LRP1B: variants seen among roughly 807,000 people sequenced by gnomAD.
LRP1B encodes low-density lipoprotein receptor-related protein 1B.
A neutral mutation model predicts 556.6 loss-of-function variants in LRP1B; 217 were observed. The observed-to-expected ratio is 0.39, with a 90% CI of 0.35 to 0.44. The LOEUF (loss-of-function observed/expected upper bound fraction) is 0.44. Among genes scored for constraint, LRP1B ranks in the 20% least tolerant of loss-of-function variants. LRP1B has a pLI of 1.00. For missense variants in LRP1B, 5,053 were observed against 5,620.8 expected (o/e 0.90, Z 3.23); for synonymous variants, 2,047 against 1,865.8 (o/e 1.10, Z -2.50).
chr2:140,804,648 AATTTTTT>A (rs1414474969), intron 32 of LRP1B, among the ~76,000 whole-genome samples: 12 of 103,890 alleles, frequency 1.2e-4, no homozygotes, highest in South Asian at 6.3e-4. Flanking sequence ...GGTAAAAACT[AATTTTTT>A]TTTTTTTTTT....
intron 3 of LRP1B, among the ~76,000 whole-genome samples, chr2:141,432,374 A>G (rs1027419754): frequency 2.6e-5 from 4 of 152,136 alleles, no homozygotes; most frequent in Middle Eastern, 3.4e-3. Context: ...CTCTATATTC[A>G]TAAGGGATAT....
intron 32 of LRP1B, among the ~76,000 whole-genome samples, chr2:140,776,937 GATT>G (rs1573703894): frequency 1.3e-5 from 2 of 152,188 alleles, no homozygotes; most frequent in East Asian, 3.9e-4. Flanking sequence ...GTAAGGAAAT[GATT>G]ATTGTTTCAT....
At chr2:140,412,635 C>T (rs777899399) in intron 66 of LRP1B, among the ~76,000 whole-genome samples, 14 of 151,888 alleles carry the variant, frequency 9.2e-5, no homozygotes, top group East Asian at 1.9e-4. Context: ...ATTTTGAGAA[C>T]GTAATTGTAC....
intron 32 of LRP1B, among the ~76,000 whole-genome samples, chr2:140,802,592 A>C (rs975684215): frequency 6.6e-6 from 1 of 152,360 alleles, no homozygotes; most frequent in East Asian, 1.9e-4. Flanking sequence ...GCATACCTGC[A>C]TCAGTCTGCA....
intron 23 of LRP1B, among the ~76,000 whole-genome samples, chr2:140,902,405 TA>T (rs1313350587): frequency 6.6e-6 from 1 of 151,974 alleles, no homozygotes; most frequent in African/African-American, 2.4e-5. Flanking sequence ...TAGGGTCACA[TA>T]AAGAATGAAT....
intron 3 of LRP1B, among the ~76,000 whole-genome samples, chr2:141,467,852 A>AGGGG (rs1163213986): frequency 1.5e-5 from 2 of 133,336 alleles, no homozygotes; most frequent in Non-Finnish European, 3.3e-5. Context: ...GGGGGGGGGA[A>AGGGG]TTCCAGCATA....
At chr2:142,002,052 C>T (rs1188705097) in intron 1 of LRP1B, among the ~76,000 whole-genome samples, 3 of 152,064 alleles carry the variant, frequency 2.0e-5, no homozygotes, top group Non-Finnish European at 4.4e-5. Flanking sequence ...TAACCTTAGC[C>T]AAAAGGATGG....
chr2:141,667,370 G>A (rs1003066583), intron 2 of LRP1B, among the ~76,000 whole-genome samples: 2 of 152,140 alleles, frequency 1.3e-5, no homozygotes, highest in African/African-American at 4.8e-5. Context: ...AGACCACTAT[G>A]CTTGCTTAAA....
intron 41 of LRP1B, among the ~76,000 whole-genome samples, chr2:140,635,091 A>T (rs777135642): frequency 1.3e-5 from 2 of 152,074 alleles, no homozygotes; most frequent in Non-Finnish European, 2.9e-5. Flanking sequence ...TATAAATCTC[A>T]AATTAATTCT....
chr2:140,331,843 A>T lies in LRP1B; in HGVS notation c.12223+2610T>A, dbSNP rs554478830. 6.6e-5 allele frequency among the ~76,000 whole-genome samples: 10 copies of T among 151,920 alleles called. No homozygotes were observed. In the South Asian group the frequency reaches 2.1e-3, roughly 32 times the overall value. On this transcript the variant is annotated intron_variant, in intron 79 of 90. Coordinates refer to ENST00000389484, the MANE Select transcript of LRP1B (RefSeq NM_018557.3). ...CTCGAGTAGCTGGGATTACAGGTAC[A>T]TACCACCATGCCTGGCTTATTTTTT...
chr2:140,272,292 C>CACACACACAG (rs1424424326), intron 85 of LRP1B, among the ~76,000 whole-genome samples: 247 of 146,338 alleles, frequency 1.7e-3, no homozygotes, highest in African/African-American at 5.1e-3. Context: ...CACACACACA[C>CACACACACAG]AGAATATGTG....
At chr2:141,642,598 A>G (rs1005735403) in intron 2 of LRP1B, among the ~76,000 whole-genome samples, 1 of 152,238 alleles carries the variant, frequency 6.6e-6, no homozygotes, top group Non-Finnish European at 1.5e-5. Flanking sequence ...TGGTAGCACA[A>G]TCCTGGGAAA....
At chr2:141,455,347 A>G (rs1369395997) in intron 3 of LRP1B, among the ~76,000 whole-genome samples, 2 of 151,746 alleles carry the variant, frequency 1.3e-5, no homozygotes, top group South Asian at 2.1e-4. Context: ...TGTTTAATGG[A>G]TGAATGCATC....
At position 141,003,441 on chromosome 2, in the gene LRP1B, A is replaced by G. The variant is rs145145095; in HGVS notation, c.2503+1894T>C. Among the ~76,000 whole-genome samples the G allele has an allele frequency of 7.9e-3, 1,206 of 152,174 alleles. 38 individuals are homozygous for G. Among genetic ancestry groups the G allele is most frequent in the Admixed American group, 0.057 (866 of 15,266 alleles). The stretch of plus-strand genomic sequence containing the variant: ...TGTCCCCACCCAAATCTTGAATTGT[A>G]ACTCCCACAATTCCCACATGTCATA... On this transcript the variant is annotated intron_variant, in intron 15 of 90. Transcript: ENST00000389484.
intron 1 of LRP1B, among the ~76,000 whole-genome samples, chr2:141,873,364 T>C (rs1416079744): frequency 6.6e-6 from 1 of 151,906 alleles, no homozygotes; most frequent in East Asian, 1.9e-4. Flanking sequence ...ATTTTGGTTG[T>C]AGTACTGGTG....
chr2:141,128,285 A>G (rs1322506361), intron 7 of LRP1B, among the ~76,000 whole-genome samples: 2 of 152,252 alleles, frequency 1.3e-5, no homozygotes, highest in African/African-American at 4.8e-5. Flanking sequence ...AAACCAAGTA[A>G]CAGAACAAAA....
At chr2:140,256,708 C>T (rs1282815137) in intron 86 of LRP1B, among the ~76,000 whole-genome samples, 1 of 151,380 alleles carries the variant, frequency 6.6e-6, no homozygotes, top group African/African-American at 2.4e-5. Context: ...ACCTTGTGAT[C>T]CGCCTGCCTC....
At chr2:141,799,808 C>G (rs367597170) in intron 2 of LRP1B, among the ~76,000 whole-genome samples, 26 of 147,722 alleles carry the variant, frequency 1.8e-4, no homozygotes, top group African/African-American at 5.6e-4. Flanking sequence ...AAGAGTGTGT[C>G]TGTGTGTGTG....
At chr2:142,002,098 T>G (rs913091724) in intron 1 of LRP1B, among the ~76,000 whole-genome samples, 7 of 152,304 alleles carry the variant, frequency 4.6e-5, no homozygotes, top group African/African-American at 1.4e-4. Context: ...TTCTTATGCT[T>G]TAGTAAAATA....
Sources: gnomAD v4.1 joint callset for allele counts (sites outside exome capture counted in the v4.1 genomes callset) on GRCh38, gnomAD v4.1.1 for gene constraint, MANE v1.5 for transcripts, NCBI Gene and HGNC (gene_info 2026-07-23, HGNC 2026-07-21) for gene names.